The following USP34 variants were observed in gnomAD, a reference collection of about 807,000 sequenced individuals.
The protein encoded by USP34 is ubiquitin specific peptidase 34.
USP34 carries 70 observed loss-of-function variants against 460.3 expected under a neutral mutation model. The observed-to-expected ratio is 0.15, with a 90% CI of 0.13 to 0.19. The LOEUF (loss-of-function observed/expected upper bound fraction) is 0.19, where lower values mean the gene tolerates loss of function less well. USP34 is among the 10% of genes least tolerant of loss of function. USP34 has a pLI of 1.00. For synonymous variants in USP34, 1,647 were observed against 1,405.3 expected, an observed-to-expected ratio of 1.17 and a Z score of -3.85; for missense variants, 3,985 against 4,236.2, an observed-to-expected ratio of 0.94 and a Z score of 1.65.
chr2:61,399,478 AATGTTATAATCTC>A (rs1304528010), intron 3 of USP34, among the ~76,000 whole-genome samples: 2 of 152,104 alleles, frequency 1.3e-5, no homozygotes, highest in African/African-American at 2.4e-5. Flanking sequence ...AGCATCCTAA[AATGTTATAATCTC>A]ATTTTTTAAG....
chr2:61,241,572 T>G lies in USP34; in HGVS notation c.6765A>C (p.Ser2255=). The part of the protein sequence containing the change: ...NGREYKFDVS[S]ELLEWIWHDN... ...AATTAACTTATACCTCTAGTAACTC[T>G]GACGAAACATCAAATTTGTATTCTC... Residue 2255 remains serine, a synonymous_variant, in exon 53 of 80, where the codon TCA becomes TCC. Coordinates refer to ENST00000398571, the MANE Select transcript of USP34 (RefSeq NM_014709.4). 1.2e-6 allele frequency: 2 copies of G among 1,603,516 alleles called. No individual in the cohort carries two copies. The highest frequency in any genetic ancestry group is 1.7e-6 in the Non-Finnish European group (2 of 1,176,998).
chr2:61,461,502 C>A (rs1204848437), intron 1 of USP34, among the ~76,000 whole-genome samples: 3 of 151,704 alleles, frequency 2.0e-5, no homozygotes, highest in Non-Finnish European at 4.4e-5. Flanking sequence ...CTAGTAATTG[C>A]TTAATACATT....
rs539865365 is a variant in USP34, at chr2:61,415,557, T to C, written c.131+5189A>G. Among the ~76,000 whole-genome samples, 234 of 152,306 alleles carry C rather than the reference T, an allele frequency of 1.5e-3. 1 individual carries two copies. Among genetic ancestry groups the C allele is most frequent in the South Asian group, 0.014 (67 of 4,826 alleles). On this transcript the variant is annotated intron_variant, in intron 2 of 79. Transcript: ENST00000398571. ...ATAGGTTACACCTAAAATTGATAGA[T>C]GAAGCAACAGCAATATAAGAAGAGT... is the stretch of plus-strand genomic sequence containing the variant.
chr2:61,189,265 T>C (rs1288009554), intron 78 of USP34, 196 bp from the exon 79 acceptor site: 1 of 548,954 alleles, frequency 1.8e-6, no homozygotes, highest in Non-Finnish European at 3.0e-6. Context: ...AGTTGTTTTT[T>C]TTTTTTGTTT....
chr2:61,203,314 G>A, intron 74 of USP34, 51 bp from the exon 75 acceptor site: 2 of 1,394,420 alleles, frequency 1.4e-6, no homozygotes, highest in East Asian at 2.6e-5. Context: ...ATAATAAAGA[G>A]CATATTTTGT....
At chr2:61,400,764 T>C (rs1321204034) in intron 3 of USP34, among the ~76,000 whole-genome samples, 1 of 151,994 alleles carries the variant, frequency 6.6e-6, no homozygotes, top group Non-Finnish European at 1.5e-5. Context: ...AGGTGAAGGG[T>C]TACTTGAGTC....
chr2:61,376,581 C>T (rs1692805232), intron 8 of USP34, among the ~76,000 whole-genome samples: 2 of 152,110 alleles, frequency 1.3e-5, no homozygotes, highest in South Asian at 4.1e-4. Context: ...TAAGCGGTCT[C>T]GCGGAGGTGG....
rs1387294869 is a variant in USP34 at position 61,284,898 on chromosome 2, A to G, written c.4809T>C (p.Tyr1603=). ...SLIQRLMSVA[Y]TYDNLAPRVL... ...ACCTAGGAGCCAGATTATCATACGT[A>G]TAAGCAACAGACATAAGTCGCTGAA... Residue 1603 remains tyrosine, a synonymous_variant, in exon 35 of 80, where the codon TAT becomes TAC. Transcript: ENST00000398571. 1.2e-6 allele frequency: 2 copies of G among 1,611,248 alleles called. No homozygotes were observed. The highest frequency in any genetic ancestry group is 2.2e-5 in the East Asian group (1 of 44,754).
intron 5 of USP34, among the ~76,000 whole-genome samples, chr2:61,385,690 A>T: frequency 6.7e-6 from 1 of 148,714 alleles, no homozygotes. Flanking sequence ...AAAAAAAAAA[A>T]AAAAGAAATA....
intron 75 of USP34, chr2:61,200,485 T>C (rs1249156536): frequency 6.6e-6 from 1 of 152,334 alleles, no homozygotes; most frequent in Non-Finnish European, 1.5e-5. Flanking sequence ...CTGTAATTAT[T>C]ATATATTTCT....
intron 3 of USP34, 128 bp downstream of exon 3, chr2:61,405,580 T>C: frequency 1.0e-6 from 1 of 954,386 alleles, no homozygotes; most frequent in Non-Finnish European, 1.5e-6. Flanking sequence ...TGGAGAAACA[T>C]TAAATAATTC....
At chr2:61,404,046 AG>A (rs1693798288) in intron 3 of USP34, among the ~76,000 whole-genome samples, 1 of 149,892 alleles carries the variant, frequency 6.7e-6, no homozygotes, top group Admixed American at 6.7e-5. Flanking sequence ...AAAGAAGGAC[AG>A]AAAGTACAAC....
At chr2:61,462,574 G>C (rs1037197190) in intron 1 of USP34, among the ~76,000 whole-genome samples, 1 of 150,206 alleles carries the variant, frequency 6.7e-6, no homozygotes, top group Non-Finnish European at 1.5e-5. Flanking sequence ...AATCAATTCA[G>C]GAGAACCGGA....
chr2:61,288,588 C>G (rs1035312497), intron 34 of USP34, 89 bp downstream of exon 34: 2 of 1,372,304 alleles, frequency 1.5e-6, no homozygotes, highest in Non-Finnish European at 2.0e-6. Flanking sequence ...TCACAGTAAT[C>G]TAGAATACAT....
intron 58 of USP34, among the ~76,000 whole-genome samples, chr2:61,231,941 C>A (rs1043688844): frequency 1.3e-5 from 2 of 150,834 alleles, no homozygotes; most frequent in Non-Finnish European, 2.9e-5. Context: ...AAGTGGCATA[C>A]GTCAACTAAG....
At chr2:61,434,199 G>A (rs539848124) in intron 1 of USP34, among the ~76,000 whole-genome samples, 1 of 152,220 alleles carries the variant, frequency 6.6e-6, no homozygotes, top group East Asian at 1.9e-4. Flanking sequence ...CATGCTTCTG[G>A]CCTCCCGAAC....
chr2:61,278,508 A>T, intron 39 of USP34, 65 bp from the exon 40 acceptor site: 1 of 1,232,528 alleles, frequency 8.1e-7, no homozygotes, highest in East Asian at 2.6e-5. Context: ...ACATAAAATT[A>T]TTAAAATCAT....
At chr2:61,301,325 A>G (rs192564629) in intron 28 of USP34, 29 bp downstream of exon 28, 397 of 1,605,862 alleles carry the variant, frequency 2.5e-4, no homozygotes, top group Non-Finnish European at 8.3e-5. Context: ...ACAGATCATT[A>G]AAACTCAAAC....
At chr2:61,410,272 T>A (rs1304760429) in intron 2 of USP34, among the ~76,000 whole-genome samples, 3 of 152,186 alleles carry the variant, frequency 2.0e-5, no homozygotes, top group African/African-American at 7.2e-5. Context: ...GAGACAGCGA[T>A]AGATCATCAA....
Sources: gnomAD v4.1 joint callset for allele counts (sites outside exome capture counted in the v4.1 genomes callset) on GRCh38, gnomAD v4.1.1 for gene constraint, MANE v1.5 for transcripts, NCBI Gene and HGNC (gene_info 2026-07-23, HGNC 2026-07-21) for gene names.